Variants in APLP2 observed in about 807,000 individuals in gnomAD.
APLP2 encodes CDEI box-binding protein.
Under a neutral mutation model 89.9 loss-of-function variants are expected in APLP2, and 53 were observed. The observed-to-expected ratio is 0.59, with a 90% CI of 0.47 to 0.74. The LOEUF is 0.74. Ranked by LOEUF, APLP2 falls within the 30% of genes least tolerant of loss-of-function variation. The probability of loss-of-function intolerance (pLI) is 0.00; values close to 1 mark genes in which losing one functional copy is unlikely to be tolerated. For missense variants in APLP2, 973 were observed against 975.9 expected, an observed-to-expected ratio of 1.00 and a Z score of 0.04; for synonymous variants, 372 against 348.6, an observed-to-expected ratio of 1.07 and a Z score of -0.75.
Position 130,070,047 on chromosome 11 carries a change from A to G in APLP2, c.70A>G (p.Thr24Ala). 6.6e-7 allele frequency: 1 copy of G among 1,508,396 alleles called. No individual in the cohort carries two copies. The highest frequency in any genetic ancestry group is 8.8e-7 in the Non-Finnish European group (1 of 1,136,712). The allele number at this position is 1,508,396 out of a possible 1,614,324, so 93.4% of individuals were successfully genotyped here. A position where few individuals can be genotyped will look rare whatever the true frequency, so the allele number is the denominator to read the frequency against. Residue 24 changes from threonine (T) to alanine (A), a missense_variant, in exon 1 of 17, where the codon ACG (threonine) becomes GCG (alanine). By Grantham distance (58) the Thr-to-Ala change is moderately conservative (BLOSUM62 0). Coordinates refer to ENST00000338167, the MANE Select transcript of APLP2 (RefSeq NM_001142276.2). Reference sequence around the variant, plus strand: ...CCTGCTTCTGCTGCTGGTGGGGCTCACGGCGCCTGCCTTGGCGCTGGCCGG... The same window carrying G: ...CCTGCTTCTGCTGCTGGTGGGGCTCGCGGCGCCTGCCTTGGCGCTGGCCGG... ...RLLLLLLVGLTAPALALAGYI... is the reference protein window; with the variant it reads ...RLLLLLLVGLAAPALALAGYI...
rs747624315 is a variant in APLP2 at position 130,122,492 on chromosome 11, G to A, written c.901G>A (p.Glu301Lys). Reference protein sequence around the residue: ...PGSDGTMSDKEITHDVKAVCS... With the variant: ...PGSDGTMSDKKITHDVKAVCS... Reference sequence around the variant, plus strand: ...CAGCGACGGCACCATGTCAGACAAGGAAATTACTCATGATGTCAAAGGTAA... The same window carrying A: ...CAGCGACGGCACCATGTCAGACAAGAAAATTACTCATGATGTCAAAGGTAA... Residue 301 changes from glutamate (E) to lysine (K), a missense_variant, in exon 6 of 17, where the codon GAA (glutamate) becomes AAA (lysine). Coordinates refer to ENST00000338167, the MANE Select transcript of APLP2 (RefSeq NM_001142276.2). The A allele has an allele frequency of 1.9e-6, 3 of 1,614,068 alleles. No homozygotes were observed. In the South Asian group the frequency reaches 3.3e-5, roughly 18 times the overall value.
chr11:130,121,845 G>C, intron 5 of APLP2, 35 bp downstream of exon 5: 1 of 1,593,132 alleles, frequency 6.3e-7, no homozygotes, highest in Non-Finnish European at 8.5e-7. Context: ...AAGTCGTTTT[G>C]CCTTTTTGTT....
chr11:130,120,472 CAG>C (rs1047663041), intron 3 of APLP2, among the ~76,000 whole-genome samples: 6 of 152,128 alleles, frequency 3.9e-5, no homozygotes, highest in Non-Finnish European at 7.3e-5. Flanking sequence ...GGACTGCAGT[CAG>C]GGGGCTTTTA....
intron 10 of APLP2, 120 bp from the exon 11 acceptor site, chr11:130,129,918 C>A: frequency 1.7e-6 from 2 of 1,181,796 alleles, no homozygotes; most frequent in South Asian, 1.5e-5. Flanking sequence ...CCAGTTACAG[C>A]TTTCATTCTT....
At position 130,117,004 on chromosome 11, in the gene APLP2, G is replaced by A. The variant is rs541485319; in HGVS notation, c.404-3702G>A. 5.3e-5 allele frequency among the ~76,000 whole-genome samples: 8 copies of A among 152,096 alleles called. No individual in the cohort carries two copies. In the South Asian group the frequency reaches 1.0e-3, roughly 20 times the overall value. On this transcript the variant is annotated intron_variant, in intron 3 of 16. Coordinates refer to ENST00000338167, the MANE Select transcript of APLP2 (RefSeq NM_001142276.2). ...AAATTAGCTGGGTGTGGTGGCGAACGCCTGTAATGTCAGTTACTCAGGAGG... is the reference window on the plus strand; with the variant it reads ...AAATTAGCTGGGTGTGGTGGCGAACACCTGTAATGTCAGTTACTCAGGAGG...
intron 3 of APLP2, among the ~76,000 whole-genome samples, chr11:130,115,764 C>T (rs1327904071): frequency 6.6e-6 from 1 of 152,022 alleles, no homozygotes; most frequent in East Asian, 1.9e-4. Flanking sequence ...AAATTTTTTT[C>T]CCTAGGAGCT....
chr11:130,108,452 G>T (rs777033212), intron 1 of APLP2, among the ~76,000 whole-genome samples: 1 of 152,132 alleles, frequency 6.6e-6, no homozygotes, highest in East Asian at 1.9e-4. Context: ...GACACATGAA[G>T]AAATGCTCAT....
At chr11:130,084,673 C>G (rs1248310064) in intron 1 of APLP2, among the ~76,000 whole-genome samples, 1 of 151,724 alleles carries the variant, frequency 6.6e-6, no homozygotes, top group Non-Finnish European at 1.5e-5. Flanking sequence ...TGGGATGCAG[C>G]AAAAGCACCA....
intron 1 of APLP2, among the ~76,000 whole-genome samples, chr11:130,077,612 T>TAA (rs573298331): frequency 0.075 from 10,937 of 144,954 alleles, 582 homozygotes; most frequent in East Asian, 0.19. Context: ...GTTTTAGCCT[T>TAA]AAAAAAAAAA....
chr11:130,095,095 G>T (rs571090750), intron 1 of APLP2, among the ~76,000 whole-genome samples: 3 of 89,022 alleles, frequency 3.4e-5, no homozygotes, highest in African/African-American at 1.8e-4. Context: ...ATCACAGTAC[G>T]CTTTTATGTT....
rs78715803 is a variant in APLP2, at chr11:130,082,680, C to G, written c.105+12598C>G. ...TCCTGGTCTCCCAGCATGAAGCCCTCTAAGTCAGCCTGGGCACACGCCACT... is the reference window on the plus strand; with the variant it reads ...TCCTGGTCTCCCAGCATGAAGCCCTGTAAGTCAGCCTGGGCACACGCCACT... On this transcript the variant is annotated intron_variant, in intron 1 of 16. Transcript: ENST00000338167. 1,368 of 183,760 alleles carry G rather than the reference C, an allele frequency of 7.4e-3. 23 individuals are homozygous for G. The highest frequency in any genetic ancestry group is 0.03 in the African/African-American group (1,254 of 42,450). The allele number at this position is 183,760 out of a possible 1,614,324, so 11.4% of individuals were successfully genotyped here.
At chr11:130,129,942 C>A in intron 10 of APLP2, 96 bp from the exon 11 acceptor site, 1 of 1,400,024 alleles carries the variant, frequency 7.1e-7, no homozygotes, top group Non-Finnish European at 9.9e-7. Flanking sequence ...CCTAGCTGAG[C>A]TTTACATTCT....
At chr11:130,071,553 G>A (rs1300178501) in intron 1 of APLP2, among the ~76,000 whole-genome samples, 1 of 152,070 alleles carries the variant, frequency 6.6e-6, no homozygotes, top group Non-Finnish European at 1.5e-5. Context: ...TTCACTAGTG[G>A]GTCGGGTGTC....
chr11:130,116,288 A>G (rs1949147393), intron 3 of APLP2, among the ~76,000 whole-genome samples: 1 of 152,226 alleles, frequency 6.6e-6, no homozygotes, highest in Non-Finnish European at 1.5e-5. Flanking sequence ...TTAAACCACC[A>G]TGGAAAAATG....
chr11:130,110,802 G>A, intron 3 of APLP2, 141 bp downstream of exon 3: 4 of 1,161,352 alleles, frequency 3.4e-6, no homozygotes, highest in Non-Finnish European at 4.7e-6. Flanking sequence ...TTTCTCTTAG[G>A]GGTGTTTGCT....
At chr11:130,136,431 G>A (rs1951613104) in intron 13 of APLP2, among the ~76,000 whole-genome samples, 1 of 152,224 alleles carries the variant, frequency 6.6e-6, no homozygotes, top group African/African-American at 2.4e-5. Flanking sequence ...CAGGTGGGTA[G>A]TCGAGTGTCC....
At chr11:130,134,908 C>G (rs186556587) in intron 12 of APLP2, among the ~76,000 whole-genome samples, 26 of 152,206 alleles carry the variant, frequency 1.7e-4, no homozygotes, top group African/African-American at 6.3e-4. Context: ...ATCCGGAGCT[C>G]TCTTGATACA....
chr11:130,122,394 TGGA>T lies in APLP2; in HGVS notation c.807_809del (p.Glu269del). 1 of 1,614,124 alleles carries T rather than the reference TGGA, an allele frequency of 6.2e-7. No homozygotes were observed. Among genetic ancestry groups the T allele is most frequent in the Middle Eastern group, 1.6e-4 (1 of 6,062 alleles). On this transcript the variant is annotated inframe_deletion, in exon 6 of 17. Coordinates refer to ENST00000338167, the MANE Select transcript of APLP2 (RefSeq NM_001142276.2). ...GATGAGGAAGAAGGGGAGGAAGTGG[TGGA>T]GGACCGAGATTACTACTATGACACC...
chr11:130,134,962 G>T lies in APLP2; in HGVS notation c.1685-601G>T, dbSNP rs926699218. ...TGTTGGATGTTATGTGGGGATGTAG[G>T]ATTTAGGTGAGGCAGAGGTCAGGCA... On this transcript the variant is annotated intron_variant, in intron 12 of 16. Coordinates refer to ENST00000338167, the MANE Select transcript of APLP2 (RefSeq NM_001142276.2). Among the ~76,000 whole-genome samples, 3 of 152,176 alleles carry T rather than the reference G, an allele frequency of 2.0e-5. No homozygotes were observed. The South Asian group carries it at 6.2e-4, about 32-fold the overall frequency.
Sources: gnomAD v4.1 joint callset for allele counts (sites outside exome capture counted in the v4.1 genomes callset) on GRCh38, gnomAD v4.1.1 for gene constraint, MANE v1.5 for transcripts, NCBI Gene and HGNC (gene_info 2026-07-23, HGNC 2026-07-21) for gene names.